ANXA2: variants seen among roughly 807,000 people sequenced by gnomAD.
ANXA2 encodes the protein annexin A2.
ANXA2 carries 28 observed loss-of-function variants against 47.3 expected under a neutral mutation model. The observed-to-expected ratio is 0.59, with a 90% CI of 0.44 to 0.81. The LOEUF (loss-of-function observed/expected upper bound fraction) is 0.81. ANXA2 is among the 40% of genes least tolerant of loss of function. The pLI is 0.00. For synonymous variants in ANXA2, 172 were observed against 155.5 expected (o/e 1.11, Z -0.79); for missense variants, 384 against 414.3 (o/e 0.93, Z 0.64).
chr15:60,354,220 G>A lies in ANXA2; in HGVS notation c.529-7C>T. The A allele has an allele frequency of 3.7e-6, 6 of 1,604,168 alleles. No individual in the cohort carries two copies. The highest frequency in any genetic ancestry group is 5.1e-6 in the Non-Finnish European group (6 of 1,175,974). Reference sequence around the variant, plus strand: ...CATCCTCTGCTCTTCTACCCTATGGGGGAAAGAAAAAGAACTTCAAATACA... The same window carrying A: ...CATCCTCTGCTCTTCTACCCTATGGAGGAAAGAAAAAGAACTTCAAATACA... On this transcript the variant is annotated splice_region_variant and splice_polypyrimidine_tract_variant and intron_variant, in intron 7 of 12. Coordinates refer to ENST00000451270, the MANE Select transcript of ANXA2 (RefSeq NM_004039.3).
At chr15:60,386,190 G>A (rs1356620087) in intron 1 of ANXA2, 104 bp from the exon 2 acceptor site, 11 of 775,142 alleles carry the variant, frequency 1.4e-5, no homozygotes, top group Admixed American at 2.6e-5. Flanking sequence ...CATTTCATCT[G>A]ACGATATTGG....
At chr15:60,381,745 A>T (rs1200240414) in intron 3 of ANXA2, among the ~76,000 whole-genome samples, 1 of 152,088 alleles carries the variant, frequency 6.6e-6, no homozygotes, top group Non-Finnish European at 1.5e-5. Flanking sequence ...CACTCTCTAG[A>T]TCAATCTAAG....
At chr15:60,377,041 T>C (rs1848141675) in intron 3 of ANXA2, among the ~76,000 whole-genome samples, 1 of 152,254 alleles carries the variant, frequency 6.6e-6, no homozygotes, top group Admixed American at 6.5e-5. Context: ...TTTGTTTCTA[T>C]CAATACTTGA....
intron 3 of ANXA2, among the ~76,000 whole-genome samples, chr15:60,370,344 A>G (rs973876031): frequency 1.3e-5 from 2 of 152,206 alleles, no homozygotes; most frequent in African/African-American, 4.8e-5. Flanking sequence ...CACTGTCTGC[A>G]TGTTTCAAAT....
chr15:60,355,570 C>A, intron 7 of ANXA2: 1 of 367,632 alleles, frequency 2.7e-6, no homozygotes. Flanking sequence ...AAAAAGAAAC[C>A]AGAAGGTCAC....
chr15:60,376,075 C>A (rs2062772568), intron 3 of ANXA2, among the ~76,000 whole-genome samples: 1 of 152,020 alleles, frequency 6.6e-6, no homozygotes, highest in Non-Finnish European at 1.5e-5. Flanking sequence ...CAGGGAGGTC[C>A]CTTAGAAGAC....
intron 1 of ANXA2, among the ~76,000 whole-genome samples, chr15:60,388,623 C>T (rs1485326716): frequency 6.7e-6 from 1 of 150,252 alleles, no homozygotes; most frequent in East Asian, 1.9e-4. Context: ...TCAGTAGAGA[C>T]AAGGTCCCAC....
At chr15:60,349,639 C>T (rs1478477153) in intron 11 of ANXA2, among the ~76,000 whole-genome samples, 1 of 151,738 alleles carries the variant, frequency 6.6e-6, no homozygotes, top group East Asian at 2.0e-4. Context: ...TCTCAAAAAT[C>T]ACCACGAAAG....
chr15:60,348,519 C>T (rs961101130), intron 12 of ANXA2, among the ~76,000 whole-genome samples: 13 of 152,008 alleles, frequency 8.6e-5, no homozygotes, highest in Non-Finnish European at 1.9e-4. Flanking sequence ...CCGAGGCGGG[C>T]GGATCACGAG....
intron 1 of ANXA2, chr15:60,390,537 C>T (rs910105645): frequency 3.4e-5 from 16 of 464,662 alleles, no homozygotes; most frequent in Admixed American, 4.7e-5. Context: ...TTCTGGAAAA[C>T]GGGTAAAATT....
intron 8 of ANXA2, among the ~76,000 whole-genome samples, chr15:60,353,738 A>G (rs1311113715): frequency 6.6e-6 from 1 of 152,214 alleles, no homozygotes; most frequent in Non-Finnish European, 1.5e-5. Context: ...AGGTCATAAA[A>G]GACACTGTGG....
At chr15:60,354,408 A>C (rs917515840) in intron 7 of ANXA2, among the ~76,000 whole-genome samples, 195 bp from the exon 8 acceptor site, 2 of 152,148 alleles carry the variant, frequency 1.3e-5, no homozygotes, top group Non-Finnish European at 2.9e-5. Context: ...TTGGGAAGCC[A>C]AGGCGGGCAG....
At chr15:60,369,493 T>C (rs1471298412) in intron 3 of ANXA2, among the ~76,000 whole-genome samples, 1 of 152,256 alleles carries the variant, frequency 6.6e-6, no homozygotes, top group African/African-American at 2.4e-5. Flanking sequence ...TAGGGGCCGC[T>C]GGCCTGAAGG....
At position 60,362,305 on chromosome 15, in the gene ANXA2, C is replaced by T. The variant is rs558805294; in HGVS notation, c.244-1251G>A. On this transcript the variant is annotated intron_variant, in intron 4 of 12. Transcript: ENST00000451270. ...ACCTCAAATAGCATTTGGGCACCTA[C>T]TGACTTCTTCCACTTCTATTCTAAA... Among the ~76,000 whole-genome samples the T allele has an allele frequency of 3.3e-5, 5 of 152,362 alleles. No homozygotes were observed. The South Asian group carries it at 1.0e-3, about 32-fold the overall frequency.
intron 3 of ANXA2, chr15:60,374,529 G>C (rs1388605831): frequency 6.6e-6 from 3 of 455,974 alleles, no homozygotes; most frequent in Non-Finnish European, 1.3e-5. Flanking sequence ...GGGTGAAACT[G>C]GTATTTGGAT....
chr15:60,395,721 CT>C lies in ANXA2; in HGVS notation c.-12+2221del, dbSNP rs568288616. On this transcript the variant is annotated intron_variant, in intron 1 of 12. Coordinates refer to ENST00000451270, the MANE Select transcript of ANXA2 (RefSeq NM_004039.3). ...ATTGAGACTCCAGTGCAAGACTGAG[CT>C]CCTAATCAAAGTCAGTGAGTCAGCA... 35 of 152,360 alleles carry C rather than the reference CT, an allele frequency of 2.3e-4. No homozygotes were observed. In the East Asian group the frequency reaches 5.2e-3, roughly 23 times the overall value. 9.4% of individuals were successfully genotyped at this position (152,360 alleles called of 1,614,324 possible). A position where few individuals can be genotyped will look rare whatever the true frequency, so the allele number is the denominator to read the frequency against.
rs376172951 is a variant in ANXA2, at chr15:60,364,383, C to G, written c.243+46G>C. 4.8e-4 allele frequency: 740 copies of G among 1,529,872 alleles called. 1 individual carries two copies. Among genetic ancestry groups the G allele is most frequent in the Non-Finnish European group, 6.3e-4 (697 of 1,111,886 alleles). The allele number at this position is 1,529,872 out of a possible 1,614,324, so 94.8% of individuals were successfully genotyped here. On this transcript the variant is annotated intron_variant, in intron 4 of 12. Transcript: ENST00000451270. ...AAAGAAAAAGCAATGTCTGAGGAAA[C>G]AAAAATTCAACAAGAAATGCCCTCC...
At chr15:60,371,977 C>G (rs1337935003) in intron 3 of ANXA2, among the ~76,000 whole-genome samples, 7 of 152,006 alleles carry the variant, frequency 4.6e-5, no homozygotes, top group Non-Finnish European at 7.4e-5. Flanking sequence ...CGGAGAAACC[C>G]CATCTCTACT....
intron 7 of ANXA2, 146 bp downstream of exon 7, chr15:60,355,773 G>A (rs1355225196): frequency 2.7e-6 from 2 of 753,248 alleles, no homozygotes; most frequent in South Asian, 1.4e-5. Flanking sequence ...CAACTCTGCA[G>A]TGACAGTGCA....
Sources: gnomAD v4.1 joint callset for allele counts (sites outside exome capture counted in the v4.1 genomes callset) on GRCh38, gnomAD v4.1.1 for gene constraint, MANE v1.5 for transcripts, NCBI Gene and HGNC (gene_info 2026-07-23, HGNC 2026-07-21) for gene names.